The following CPLX4 variants were observed in gnomAD, a reference collection of about 807,000 sequenced individuals.
The protein encoded by CPLX4 is complexin 4.
In CPLX4, 17 loss-of-function variants were observed where a neutral mutation model predicts 16.1. That is an observed-to-expected ratio of 1.06 (90% CI 0.72 to 1.59). CPLX4 has a LOEUF of 1.59. Ranked by LOEUF, CPLX4 falls within the 40% of genes most tolerant of loss-of-function variation. The pLI is 0.00. For missense variants in CPLX4, 193 were observed against 192.9 expected (o/e 1.00, Z 0.00); for synonymous variants, 55 against 57.8 (o/e 0.95, Z 0.22).
At chr18:59,309,822 C>CAAAAAAAAAAAAAAA (rs369580193) in intron 2 of CPLX4, among the ~76,000 whole-genome samples, 1 of 87,020 alleles carries the variant, frequency 1.1e-5, no homozygotes, top group African/African-American at 4.4e-5. Flanking sequence ...GACTCTGTGT[C>CAAAAAAAAAAAAAAA]AAAAAAAAAA....
At position 59,312,727 on chromosome 18, in the gene CPLX4, T is replaced by C. The variant is rs770941363; in HGVS notation, c.213A>G (p.Ala71=). 2 of 1,478,688 alleles carry C rather than the reference T, an allele frequency of 1.4e-6. No homozygotes were observed. Among genetic ancestry groups the C allele is most frequent in the Non-Finnish European group, 1.9e-6 (2 of 1,056,670 alleles). 91.6% of individuals were successfully genotyped at this position (1,478,688 alleles called of 1,614,324 possible). The change falls in exon 2 of 3, where the codon GCA becomes GCG. Residue 71 remains alanine, a synonymous_variant. Coordinates refer to ENST00000299721, the MANE Select transcript of CPLX4 (RefSeq NM_181654.4). The part of the protein sequence containing the change: ...AAFTQKKAER[A]CLRVHLREKY... ...TTTCTCTGAGATGAACTCTGAGGCA[T>C]GCCCTTTCTGCCTTTTTCTGTGTAA...
At chr18:59,308,968 C>T (rs947620902) in intron 2 of CPLX4, among the ~76,000 whole-genome samples, 11 of 152,190 alleles carry the variant, frequency 7.2e-5, no homozygotes, top group Non-Finnish European at 1.6e-4. Flanking sequence ...AAGTGTTGCA[C>T]TGGGGTAGGG....
intron 2 of CPLX4, among the ~76,000 whole-genome samples, chr18:59,309,445 C>T (rs1480484479): frequency 6.6e-6 from 1 of 152,188 alleles, no homozygotes; most frequent in Non-Finnish European, 1.5e-5. Context: ...TTAGACAACA[C>T]AGGAGAAATA....
chr18:59,304,863 C>T (rs1038986892), intron 2 of CPLX4, among the ~76,000 whole-genome samples: 5 of 152,056 alleles, frequency 3.3e-5, no homozygotes, highest in Non-Finnish European at 5.9e-5. Context: ...AGCCACTGCG[C>T]CCGGCCGGGC....
intron 1 of CPLX4, among the ~76,000 whole-genome samples, chr18:59,313,762 C>T (rs1052511296): frequency 2.6e-5 from 4 of 152,162 alleles, no homozygotes; most frequent in African/African-American, 9.7e-5. Flanking sequence ...AGTCTGGCTG[C>T]TGAGGAAGAA....
In CPLX4 at chr18:59,318,565, A is replaced by G. The variant is rs909439720; in HGVS notation, c.-103T>C. The G allele has an allele frequency of 2.0e-6, 3 of 1,469,050 alleles. No homozygotes were observed. Among genetic ancestry groups the G allele is most frequent in the Non-Finnish European group, 2.7e-6 (3 of 1,117,562 alleles). 91.0% of individuals were successfully genotyped at this position (1,469,050 alleles called of 1,614,324 possible). On this transcript the variant is annotated 5_prime_UTR_variant, in exon 1 of 3. Coordinates refer to ENST00000299721, the MANE Select transcript of CPLX4 (RefSeq NM_181654.4). ...CCTCCAAATATTCTCAATGACAGCA[A>G]TACATTTAAGAGCAAAGGACTTTGC...
chr18:59,306,814 T>G (rs1266063594), intron 2 of CPLX4, among the ~76,000 whole-genome samples: 2 of 152,156 alleles, frequency 1.3e-5, no homozygotes, highest in Non-Finnish European at 2.9e-5. Flanking sequence ...GTAACCGCTG[T>G]GGTGGTGACC....
intron 2 of CPLX4, among the ~76,000 whole-genome samples, chr18:59,311,910 TAAG>T (rs2070619503): frequency 2.0e-5 from 3 of 152,172 alleles, no homozygotes; most frequent in Admixed American, 6.5e-5. Context: ...CTGAGATGCA[TAAG>T]ATGGTGCTAG....
intron 2 of CPLX4, among the ~76,000 whole-genome samples, chr18:59,301,606 G>A (rs955773417): frequency 4.6e-5 from 7 of 152,226 alleles, no homozygotes; most frequent in Non-Finnish European, 1.0e-4. Flanking sequence ...GATGCCCTCT[G>A]GAACCAAATG....
intron 2 of CPLX4, among the ~76,000 whole-genome samples, chr18:59,310,728 A>C (rs935751760): frequency 7.2e-5 from 11 of 152,194 alleles, no homozygotes; most frequent in African/African-American, 2.7e-4. Context: ...TAGGTACTTC[A>C]GCCCTCATTT....
At chr18:59,309,084 A>C (rs1303732837) in intron 2 of CPLX4, among the ~76,000 whole-genome samples, 1 of 152,236 alleles carries the variant, frequency 6.6e-6, no homozygotes, top group African/African-American at 2.4e-5. Flanking sequence ...AGAGCAGGGC[A>C]GTCTGCCCAG....
chr18:59,303,228 A>C (rs968970183), intron 2 of CPLX4, among the ~76,000 whole-genome samples: 3 of 152,138 alleles, frequency 2.0e-5, no homozygotes. Context: ...AGCCCTCAGC[A>C]CCCCTAGAGT....
intron 2 of CPLX4, among the ~76,000 whole-genome samples, chr18:59,299,703 C>T (rs532791742): frequency 2.0e-5 from 3 of 152,294 alleles, no homozygotes; most frequent in East Asian, 1.9e-4. Flanking sequence ...TGCAATTCTA[C>T]GTTGCCTTAT....
At chr18:59,313,867 C>T (rs904795433) in intron 1 of CPLX4, among the ~76,000 whole-genome samples, 4 of 151,292 alleles carry the variant, frequency 2.6e-5, no homozygotes, top group South Asian at 2.1e-4. Context: ...TTTAGGCCCA[C>T]GTGAGGCCTG....
At chr18:59,307,216 C>A (rs2070582638) in intron 2 of CPLX4, among the ~76,000 whole-genome samples, 1 of 152,140 alleles carries the variant, frequency 6.6e-6, no homozygotes, top group African/African-American at 2.4e-5. Context: ...TTCGGAACGT[C>A]CCTACATTTA....
At chr18:59,307,467 T>A (rs905039669) in intron 2 of CPLX4, among the ~76,000 whole-genome samples, 3 of 152,198 alleles carry the variant, frequency 2.0e-5, no homozygotes, top group African/African-American at 7.2e-5. Context: ...AGGGGACTTA[T>A]AAGGACTTGG....
At chr18:59,304,235 C>T (rs2070560875) in intron 2 of CPLX4, among the ~76,000 whole-genome samples, 1 of 152,184 alleles carries the variant, frequency 6.6e-6, no homozygotes, top group Non-Finnish European at 1.5e-5. Context: ...TTTTCAATGA[C>T]TAACCTAGAT....
chr18:59,308,677 G>T (rs2144187336), intron 2 of CPLX4, among the ~76,000 whole-genome samples: 1 of 152,224 alleles, frequency 6.6e-6, no homozygotes, highest in East Asian at 1.9e-4. Context: ...GGGGGCGCCG[G>T]CGTCGAGGAT....
intron 1 of CPLX4, among the ~76,000 whole-genome samples, chr18:59,314,359 T>A (rs1029155288): frequency 6.6e-5 from 10 of 151,770 alleles, no homozygotes; most frequent in South Asian, 2.1e-4. Context: ...CTTTTTTTTT[T>A]ATCACACCTA....
Sources: gnomAD v4.1 joint callset for allele counts (sites outside exome capture counted in the v4.1 genomes callset) on GRCh38, gnomAD v4.1.1 for gene constraint, MANE v1.5 for transcripts, NCBI Gene and HGNC (gene_info 2026-07-23, HGNC 2026-07-21) for gene names.